The following DPP6 variants were observed in gnomAD, a reference collection of about 807,000 sequenced individuals.
The protein encoded by DPP6 is A-type potassium channel modulatory protein DPP6.
In DPP6, 69 loss-of-function variants were observed where a neutral mutation model predicts 122.6. The observed-to-expected ratio is 0.56, with a 90% CI of 0.46 to 0.69. The LOEUF is 0.69. DPP6 is among the 30% of genes least tolerant of loss of function. The probability of loss-of-function intolerance (pLI) is 0.00; values close to 1 mark genes in which losing one functional copy is unlikely to be tolerated. For missense variants in DPP6, 928 were observed against 1,116.9 expected, an observed-to-expected ratio of 0.83 and a Z score of 2.41; for synonymous variants, 418 against 433.1, an observed-to-expected ratio of 0.97 and a Z score of 0.43.
chr7:154,368,213 G>T (rs1179706879), intron 1 of DPP6, among the ~76,000 whole-genome samples: 1 of 152,182 alleles, frequency 6.6e-6, no homozygotes, highest in East Asian at 1.9e-4. Flanking sequence ...GAAGTCAGCC[G>T]ACTACTGCGA....
intron 1 of DPP6, among the ~76,000 whole-genome samples, chr7:153,944,663 G>GTTTTTTTTT (rs769081715): frequency 1.9e-5 from 2 of 103,996 alleles, no homozygotes; most frequent in Non-Finnish European, 2.0e-5. Flanking sequence ...TTTTTGTGTG[G>GTTTTTTTTT]GTTTTTTTTT....
At chr7:154,650,870 T>A (rs1443719730) in intron 6 of DPP6, among the ~76,000 whole-genome samples, 2 of 152,024 alleles carry the variant, frequency 1.3e-5, no homozygotes, top group African/African-American at 4.8e-5. Context: ...TAGAGGGAGG[T>A]TGGAAGGATG....
At chr7:154,611,103 C>A (rs1246524281) in intron 5 of DPP6, among the ~76,000 whole-genome samples, 1 of 152,164 alleles carries the variant, frequency 6.6e-6, no homozygotes, top group Admixed American at 6.5e-5. Context: ...GCCATCTCTG[C>A]AAAGGGCCTA....
At chr7:154,671,825 T>A (rs1838574348) in intron 7 of DPP6, among the ~76,000 whole-genome samples, 1 of 151,702 alleles carries the variant, frequency 6.6e-6, no homozygotes, top group Admixed American at 6.6e-5. Context: ...TGACAACTTC[T>A]CAGAGAAGGC....
At chr7:154,860,506 G>A (rs1026467804) in intron 17 of DPP6, among the ~76,000 whole-genome samples, 4 of 152,242 alleles carry the variant, frequency 2.6e-5, no homozygotes, top group Non-Finnish European at 5.9e-5. Flanking sequence ...GACCAGCAGG[G>A]GGGCCTCCAA....
At chr7:154,429,509 C>T (rs1200297424) in intron 1 of DPP6, among the ~76,000 whole-genome samples, 1 of 152,204 alleles carries the variant, frequency 6.6e-6, no homozygotes. Context: ...GACAGAGCAT[C>T]GCTTTTAACA....
chr7:154,189,789 C>T (rs1798525557), intron 1 of DPP6, among the ~76,000 whole-genome samples: 1 of 152,096 alleles, frequency 6.6e-6, no homozygotes, highest in African/African-American at 2.4e-5. Flanking sequence ...TCCACACAAA[C>T]CAGATCAACT....
chr7:154,799,511 G>A (rs960879260), intron 12 of DPP6, among the ~76,000 whole-genome samples: 7 of 152,162 alleles, frequency 4.6e-5, no homozygotes, highest in African/African-American at 1.7e-4. Context: ...TTGAAGGATC[G>A]GTTCCATGGA....
chr7:154,587,717 G>C, intron 5 of DPP6: 2 of 1,555,036 alleles, frequency 1.3e-6, no homozygotes, highest in Non-Finnish European at 1.7e-6. Context: ...TTAGCAGTAA[G>C]TCAAGCCTGT....
At chr7:153,887,423 C>T in exon 1 of DPP6, 2 of 421,464 alleles carry the variant, frequency 4.7e-6, no homozygotes, top group South Asian at 7.8e-5. Flanking sequence ...AAGCAACACC[C>T]ACCCTCCATC....
At chr7:154,799,207 T>A (rs1798211469) in intron 12 of DPP6, among the ~76,000 whole-genome samples, 1 of 152,176 alleles carries the variant, frequency 6.6e-6, no homozygotes, top group African/African-American at 2.4e-5. Flanking sequence ...GAGCTGTTCA[T>A]CTGAGCCGTT....
intron 1 of DPP6, among the ~76,000 whole-genome samples, chr7:154,316,659 C>T (rs1280813455): frequency 6.6e-6 from 1 of 152,156 alleles, no homozygotes; most frequent in African/African-American, 2.4e-5. Flanking sequence ...GAATGTTTGC[C>T]TCAGTTGCCC....
In DPP6 at chr7:154,370,122, A is replaced by G. The variant is rs1812525839; in HGVS notation, c.244-76092A>G. Among the ~76,000 whole-genome samples, 3 of 152,056 alleles carry G rather than the reference A, an allele frequency of 2.0e-5. No homozygotes were observed. The South Asian group carries it at 6.2e-4, about 32-fold the overall frequency. On this transcript the variant is annotated intron_variant, in intron 1 of 25. Coordinates refer to ENST00000377770, the MANE Select transcript of DPP6 (RefSeq NM_130797.4). ...CTCATCCTCCCTAGTAGCTGGGATT[A>G]CAGGAACCCACCATCATGCCCAGCT...
rs537418152 is a variant in DPP6 at position 154,821,437 on chromosome 7, A to C, written c.1666+14325A>C. Among the ~76,000 whole-genome samples, 1 of 152,034 alleles carries C rather than the reference A, an allele frequency of 6.6e-6. No individual in the cohort carries two copies. The highest frequency in any genetic ancestry group is 2.1e-4 in the South Asian group (1 of 4,814). Reference sequence around the variant, plus strand: ...TAGATGAGAGGGAAATGACTGACCGATTGATTGGCAGGTAGGAAAATTAAA... The same window carrying C: ...TAGATGAGAGGGAAATGACTGACCGCTTGATTGGCAGGTAGGAAAATTAAA... On this transcript the variant is annotated intron_variant, in intron 16 of 25. Transcript: ENST00000377770. The surrounding 1 kb of genome is among the most constrained non-coding windows in gnomAD (Gnocchi z 4.2).
At position 154,566,875 on chromosome 7, in the gene DPP6, C is replaced by G. The variant is rs1158579432; in HGVS notation, c.586C>G (p.Pro196Ala). The G allele has an allele frequency of 6.2e-7, 1 of 1,606,272 alleles. No homozygotes were observed. The highest frequency in any genetic ancestry group is 1.3e-5 in the African/African-American group (1 of 74,728). ...SLRAIRYEIS[P>A]DREYALFSYN... ...AAGAGCCATCAGATATGAAATATCT[C>G]CAGATAGAGAGTATGCACTTTTTTC... Residue 196 changes from proline (P) to alanine (A), a missense_variant, in exon 5 of 26, where the codon CCA becomes GCA. Pro to Ala is a conservative substitution (Grantham distance 27, BLOSUM62 -1). Transcript: ENST00000377770.
intron 1 of DPP6, among the ~76,000 whole-genome samples, chr7:154,333,181 T>C (rs1357140487): frequency 6.6e-6 from 1 of 152,234 alleles, no homozygotes; most frequent in Non-Finnish European, 1.5e-5. Flanking sequence ...AGATCTGTTC[T>C]ATACTCTGTA....
chr7:154,271,713 TG>T (rs1306969874), intron 1 of DPP6, among the ~76,000 whole-genome samples: 1 of 152,034 alleles, frequency 6.6e-6, no homozygotes, highest in Admixed American at 6.5e-5. Context: ...AGAGAAAGCC[TG>T]GGGGTCAAAG....
chr7:153,785,972 G>A, the DPP6 span, among the ~76,000 whole-genome samples: 1 of 151,870 alleles, frequency 6.6e-6, no homozygotes, highest in African/African-American at 2.4e-5. Flanking sequence ...AAATGTATAG[G>A]AGCCAAGTGT....
chr7:154,059,381 G>A (rs1298840364), intron 1 of DPP6: 2 of 153,906 alleles, frequency 1.3e-5, no homozygotes, highest in Admixed American at 6.5e-5. Flanking sequence ...CTGGAGGACT[G>A]TGGGTATTAG....
Sources: gnomAD v4.1 joint callset for allele counts (sites outside exome capture counted in the v4.1 genomes callset) on GRCh38, gnomAD v4.1.1 for gene constraint, Gnocchi (gnomAD v3.1) non-coding constraint, MANE v1.5 for transcripts, NCBI Gene and HGNC (gene_info 2026-07-23, HGNC 2026-07-21) for gene names.